CADPS: variants seen among roughly 807,000 people sequenced by gnomAD.
The protein encoded by CADPS is calcium dependent secretion activator, also known as calcium-dependent secretion activator 1.
A neutral mutation model predicts 167.3 loss-of-function variants in CADPS; 57 were observed. The ratio of observed to expected loss-of-function variants is 0.34; its 90% CI spans 0.28 to 0.42. The LOEUF is 0.42. Among genes scored for constraint, CADPS ranks in the 20% least tolerant of loss-of-function variants. The probability of loss-of-function intolerance (pLI) is 1.00; values close to 1 mark genes in which losing one functional copy is unlikely to be tolerated. For missense variants in CADPS, 1,414 were observed against 1,738.1 expected (o/e 0.81, Z 3.32); for synonymous variants, 676 against 635.3 (o/e 1.06, Z -0.96).
rs1303137567 is a variant in CADPS, at chr3:62,492,235, A to G, written c.2884+55T>C. ...TGCTTGGGATAAAGACATCTTAGTG[A>G]TCTGTTTATCTGCACACTACTTAGG... On this transcript the variant is annotated intron_variant, in intron 20 of 29. Coordinates refer to ENST00000383710, the MANE Select transcript of CADPS (RefSeq NM_003716.4). The G allele has an allele frequency of 2.7e-6, 4 of 1,461,466 alleles. No homozygotes were observed. The African/African-American group carries it at 5.6e-5, about 20-fold the overall frequency. The allele number at this position is 1,461,466 out of a possible 1,614,324, so 90.5% of individuals were successfully genotyped here.
At chr3:62,814,900 A>G (rs1441533812) in intron 1 of CADPS, among the ~76,000 whole-genome samples, 1 of 152,196 alleles carries the variant, frequency 6.6e-6, no homozygotes. Flanking sequence ...ATCACTAAAC[A>G]AACTATAACA....
intron 3 of CADPS, among the ~76,000 whole-genome samples, chr3:62,740,630 T>G (rs1485769418): frequency 6.6e-6 from 1 of 152,106 alleles, no homozygotes; most frequent in Non-Finnish European, 1.5e-5. Flanking sequence ...AGCTGACCAA[T>G]CAAACCCCAT....
chr3:62,791,733 A>T (rs2092963077), intron 1 of CADPS, among the ~76,000 whole-genome samples: 1 of 152,242 alleles, frequency 6.6e-6, no homozygotes, highest in East Asian at 1.9e-4. Flanking sequence ...TGCACTATGC[A>T]GTACAGCATG....
chr3:62,599,668 T>A (rs9852916), intron 6 of CADPS, among the ~76,000 whole-genome samples: 2 of 57,964 alleles, frequency 3.5e-5, no homozygotes, highest in East Asian at 6.0e-4. Context: ...TAATATATAT[T>A]ATATATACAA....
intron 26 of CADPS, among the ~76,000 whole-genome samples, chr3:62,450,514 G>C (rs1214089761): frequency 6.6e-6 from 1 of 152,194 alleles, no homozygotes; most frequent in East Asian, 1.9e-4. Context: ...GACTTCAGCA[G>C]AACTTCATCT....
At position 62,478,533 on chromosome 3, in the gene CADPS, C is replaced by A; in HGVS notation, c.3174-117G>T. On this transcript the variant is annotated intron_variant, in intron 22 of 29. Transcript: ENST00000383710. This position sits in a 1 kb window ranked among gnomAD's most constrained non-coding sequence, Gnocchi z 5.7. ...ACAGCAGCTTCAACATACAAAACAA[C>A]GTGTGTTGGCGGTGGAGGCGGGGGC... The A allele has an allele frequency of 1.1e-6, 1 of 920,248 alleles. No homozygotes were observed. The highest frequency in any genetic ancestry group is 1.6e-6 in the Non-Finnish European group (1 of 611,938). 57.0% of individuals were successfully genotyped at this position (920,248 alleles called of 1,614,324 possible).
intron 6 of CADPS, among the ~76,000 whole-genome samples, chr3:62,634,449 G>T (rs1004091257): frequency 7.2e-5 from 11 of 152,144 alleles, no homozygotes; most frequent in Non-Finnish European, 1.3e-4. Context: ...CACATATGAA[G>T]ATTTTTTACT....
In CADPS at chr3:62,701,067, G is replaced by T. The variant is rs532123245; in HGVS notation, c.889-38673C>A. Among the ~76,000 whole-genome samples, 7 of 152,168 alleles carry T rather than the reference G, an allele frequency of 4.6e-5. No individual in the cohort carries two copies. The East Asian group carries it at 9.7e-4, about 21-fold the overall frequency. On this transcript the variant is annotated intron_variant, in intron 3 of 29. Transcript: ENST00000383710. ...AAGGGCACCAATCCCATTCATGAGG[G>T]CTCTATTCTTATGACCTAATTATCT...
intron 6 of CADPS, chr3:62,626,464 A>T (rs9854038): frequency 0.084 from 59,005 of 701,004 alleles, 3,120 homozygotes; most frequent in South Asian, 0.17. Flanking sequence ...GGGTACTGTG[A>T]CTCTTCAAGC....
At chr3:62,630,317 G>A (rs750268099) in intron 6 of CADPS, among the ~76,000 whole-genome samples, 15 of 151,996 alleles carry the variant, frequency 9.9e-5, no homozygotes, top group East Asian at 1.9e-4. Context: ...ATTTGAATCC[G>A]AATCTGTATT....
intron 1 of CADPS, among the ~76,000 whole-genome samples, chr3:62,822,415 C>T (rs973537318): frequency 1.3e-5 from 2 of 152,084 alleles, no homozygotes; most frequent in Non-Finnish European, 2.9e-5. Flanking sequence ...TCTTGAGCAC[C>T]AGGCATGAGG....
intron 1 of CADPS, among the ~76,000 whole-genome samples, chr3:62,827,878 A>G (rs906403571): frequency 9.2e-5 from 14 of 152,198 alleles, no homozygotes; most frequent in Middle Eastern, 6.3e-3. Flanking sequence ...ACAGTGTTTT[A>G]GGGCTTACAA....
At chr3:62,527,080 T>G (rs2072451613) in intron 13 of CADPS, among the ~76,000 whole-genome samples, 1 of 152,208 alleles carries the variant, frequency 6.6e-6, no homozygotes, top group African/African-American at 2.4e-5. Flanking sequence ...TGCCACCTAG[T>G]ACTCTGCATT....
chr3:62,497,662 A>AC (rs1181029968), intron 18 of CADPS, among the ~76,000 whole-genome samples: 1 of 152,086 alleles, frequency 6.6e-6, no homozygotes, highest in Non-Finnish European at 1.5e-5. Context: ...AAGGGGTCTT[A>AC]CCCCCATTCT....
intron 3 of CADPS, among the ~76,000 whole-genome samples, chr3:62,718,653 T>C (rs944420026): frequency 5.9e-5 from 9 of 152,338 alleles, no homozygotes; most frequent in African/African-American, 2.2e-4. Flanking sequence ...GCAGCAGATC[T>C]ATAAACTCCA....
At chr3:62,859,141 C>T (rs2080271357) in intron 1 of CADPS, among the ~76,000 whole-genome samples, 1 of 152,240 alleles carries the variant, frequency 6.6e-6, no homozygotes, top group African/African-American at 2.4e-5. Flanking sequence ...TCACAAATCT[C>T]CCTAAATTTG....
chr3:62,757,075 T>C (rs574533589), intron 2 of CADPS, among the ~76,000 whole-genome samples: 3 of 152,266 alleles, frequency 2.0e-5, no homozygotes, highest in Non-Finnish European at 2.9e-5. Context: ...GGGAGGCCAG[T>C]TGAGAGGTGC....
chr3:62,572,522 TC>T (rs762290761), intron 8 of CADPS, among the ~76,000 whole-genome samples: 4 of 152,088 alleles, frequency 2.6e-5, no homozygotes, highest in East Asian at 1.9e-4. Flanking sequence ...CTTCAGTGCC[TC>T]CCCCCTACCC....
intron 8 of CADPS, among the ~76,000 whole-genome samples, chr3:62,584,428 G>T (rs145413729): frequency 1.5e-3 from 229 of 152,340 alleles, no homozygotes; most frequent in African/African-American, 4.2e-3. Context: ...ATGATAGCCA[G>T]TTGGCAGCGT....
Sources: gnomAD v4.1 joint callset for allele counts (sites outside exome capture counted in the v4.1 genomes callset) on GRCh38, gnomAD v4.1.1 for gene constraint, Gnocchi (gnomAD v3.1) non-coding constraint, MANE v1.5 for transcripts, NCBI Gene and HGNC (gene_info 2026-07-23, HGNC 2026-07-21) for gene names.